Variants in TPO observed in about 807,000 individuals in gnomAD.
TPO encodes thyroid microsomal antigen.
Under a neutral mutation model 96.9 loss-of-function variants are expected in TPO, and 78 were observed. The observed-to-expected ratio is 0.81, with a 90% confidence interval of 0.67 to 0.97. The LOEUF (loss-of-function observed/expected upper bound fraction) is 0.97. Among genes scored for constraint, TPO ranks in the 50% least tolerant of loss-of-function variants. The pLI, the probability that TPO is intolerant of heterozygous loss-of-function variation, is 0.00. For synonymous variants in TPO, 547 were observed against 538.0 expected, an observed-to-expected ratio of 1.02 and a Z score of -0.23; for missense variants, 1,252 against 1,274.8, an observed-to-expected ratio of 0.98 and a Z score of 0.27.
Position 1,456,264 on chromosome 2 carries a change from C to T in TPO, c.801C>T (p.Asn267=), listed in dbSNP as rs770184737. ...ADCQMTCENQ[N]PCFPIQLPEE... ...GCCAGATGACTTGTGAGAACCAAAA[C>T]CCATGTTTTCCCATACAAGTAAGTT... Residue 267 remains asparagine, a synonymous_variant, in exon 7 of 17, where the codon AAC becomes AAT. Transcript: ENST00000329066. 2 of 1,614,066 alleles carry T rather than the reference C, an allele frequency of 1.2e-6. No homozygotes were observed. The highest frequency in any genetic ancestry group is 1.1e-5 in the South Asian group (1 of 91,080).
intron 7 of TPO, among the ~76,000 whole-genome samples, chr2:1,473,731 T>A (rs1669643979): frequency 6.6e-6 from 1 of 152,150 alleles, no homozygotes; most frequent in Non-Finnish European, 1.5e-5. Flanking sequence ...TTGTTAAATT[T>A]ACACACCTGA....
At chr2:1,510,773 A>G (rs1490128293) in intron 14 of TPO, among the ~76,000 whole-genome samples, 1 of 152,144 alleles carries the variant, frequency 6.6e-6, no homozygotes, top group African/African-American at 2.4e-5. Flanking sequence ...AGAGATTAAT[A>G]CACAGGTGCC....
Position 1,506,906 on chromosome 2 carries a change from A to G in TPO, c.2518+2827A>G, listed in dbSNP as rs552261002. Among the ~76,000 whole-genome samples the G allele has an allele frequency of 1.2e-4, 18 of 152,134 alleles. No homozygotes were observed. In the South Asian group the frequency reaches 3.1e-3, roughly 26 times the overall value. On this transcript the variant is annotated intron_variant, in intron 14 of 16. Coordinates refer to ENST00000329066, the MANE Select transcript of TPO (RefSeq NM_001206744.2). ...TAGTTTAATTAGATCCCATTTGTCA[A>G]TTTTGGCTTTTGTTGCCATTGCTTT...
At chr2:1,537,509 CA>C (rs55807343) in intron 15 of TPO, among the ~76,000 whole-genome samples, 83 of 44,730 alleles carry the variant, frequency 1.9e-3, no homozygotes, top group African/African-American at 6.9e-3. Context: ...CAAATCCCCC[CA>C]ACTCTGTGCA....
chr2:1,428,308 G>A (rs550044367), intron 3 of TPO, among the ~76,000 whole-genome samples: 1 of 152,174 alleles, frequency 6.6e-6, no homozygotes, highest in African/African-American at 2.4e-5. Flanking sequence ...TGTGGCTTGT[G>A]GGGTGGTTGA....
At chr2:1,469,400 C>G (rs1170339513) in intron 7 of TPO, among the ~76,000 whole-genome samples, 1 of 152,190 alleles carries the variant, frequency 6.6e-6, no homozygotes, top group Non-Finnish European at 1.5e-5. Flanking sequence ...AGGGGGTGTT[C>G]CCTGGACGTG....
intron 1 of TPO, among the ~76,000 whole-genome samples, chr2:1,405,188 T>G (rs1283656564): frequency 1.3e-5 from 2 of 150,640 alleles, no homozygotes; most frequent in African/African-American, 4.9e-5. Context: ...CACCCATTCA[T>G]CCATCCATTC....
chr2:1,509,057 A>G (rs1673788144), intron 14 of TPO, among the ~76,000 whole-genome samples: 1 of 152,164 alleles, frequency 6.6e-6, no homozygotes, highest in Non-Finnish European at 1.5e-5. Flanking sequence ...ACTGCTTTGA[A>G]TGTGTCCCAG....
Position 1,484,649 on chromosome 2 carries a change from G to T in TPO, c.1392G>T (p.Gln464His), listed in dbSNP as rs748945835. Residue 464 changes from glutamine to histidine, a missense_variant, in exon 9 of 17, where the codon CAG (glutamine) becomes CAT (histidine). Coordinates refer to ENST00000329066, the MANE Select transcript of TPO (RefSeq NM_001206744.2). ...IPRILGPEAF[Q>H]QYVGPYEGYD... ...GGATCCTGGGACCCGAGGCCTTCCA[G>T]CAGTACGTGGGTCCCTATGAAGGCT... 4.3e-6 allele frequency: 7 copies of T among 1,614,040 alleles called. No individual in the cohort carries two copies. In the African/African-American group the frequency reaches 8.0e-5, roughly 18 times the overall value.
At chr2:1,385,772 C>T (rs1291517624) in intron 1 of TPO, among the ~76,000 whole-genome samples, 1 of 151,952 alleles carries the variant, frequency 6.6e-6, no homozygotes, top group Non-Finnish European at 1.5e-5. Context: ...AATGTGTTTG[C>T]TCTTGCTTCT....
At chr2:1,436,428 C>G in intron 5 of TPO, 44 bp downstream of exon 5, 1 of 1,613,402 alleles carries the variant, frequency 6.2e-7, no homozygotes. Flanking sequence ...AAAGTTGGAT[C>G]TGAACATGAC....
intron 10 of TPO, among the ~76,000 whole-genome samples, chr2:1,489,238 A>G (rs1016757516): frequency 6.7e-6 from 1 of 149,092 alleles, no homozygotes. Context: ...CATGCCCAGC[A>G]CATGCCTAGC....
At chr2:1,496,300 A>G in intron 12 of TPO, 103 bp downstream of exon 12, 1 of 1,193,536 alleles carries the variant, frequency 8.4e-7, no homozygotes, top group East Asian at 4.1e-5. Context: ...TGTTTAGAAA[A>G]TAGTGTCAAC....
chr2:1,480,047 G>C (rs924553429), intron 8 of TPO, among the ~76,000 whole-genome samples: 4 of 152,048 alleles, frequency 2.6e-5, no homozygotes, highest in Admixed American at 6.5e-5. Flanking sequence ...CTCCCAAAGT[G>C]CTGGGATTAC....
rs902219107 is a variant in TPO at position 1,496,004 on chromosome 2, C to T, written c.2022C>T (p.Asn674=). ...LRDGDWFWWE[N]SHVFTDAQRR... ...TTCTCTGGAGGTTTTGGTGGGAGAA[C>T]AGCCACGTCTTCACGGATGCACAGA... The change falls in exon 12 of 17, where the codon AAC becomes AAT. Residue 674 remains asparagine (N), a synonymous_variant. Transcript: ENST00000329066. 6.2e-7 allele frequency: 1 copy of T among 1,612,630 alleles called. No homozygotes were observed. Among genetic ancestry groups the T allele is most frequent in the African/African-American group, 1.3e-5 (1 of 74,894 alleles).
At chr2:1,505,499 A>T (rs1397832094) in intron 14 of TPO, among the ~76,000 whole-genome samples, 1 of 25,384 alleles carries the variant, frequency 3.9e-5, no homozygotes, top group African/African-American at 2.3e-4. Context: ...CGTGTCAGGC[A>T]CACCCCCACC....
chr2:1,514,971 C>T (rs532258409), intron 14 of TPO, among the ~76,000 whole-genome samples: 1 of 152,214 alleles, frequency 6.6e-6, no homozygotes, highest in Non-Finnish European at 1.5e-5. Flanking sequence ...TCACTCAAGG[C>T]TCTGATGTCA....
chr2:1,488,050 G>A, intron 10 of TPO, 59 bp downstream of exon 10: 10 of 1,605,450 alleles, frequency 6.2e-6, no homozygotes, highest in African/African-American at 1.3e-5. Flanking sequence ...TGCCGAGCTA[G>A]CAACCTGCTG....
intron 3 of TPO, among the ~76,000 whole-genome samples, chr2:1,431,450 A>G (rs1021790825): frequency 2.2e-4 from 33 of 152,330 alleles, no homozygotes; most frequent in Non-Finnish European, 4.0e-4. Context: ...ATTCTCAGGT[A>G]TTTCTTTACA....
Sources: gnomAD v4.1 joint callset for allele counts (sites outside exome capture counted in the v4.1 genomes callset) on GRCh38, gnomAD v4.1.1 for gene constraint, MANE v1.5 for transcripts, NCBI Gene and HGNC (gene_info 2026-07-23, HGNC 2026-07-21) for gene names.